Variants in FOXP2 observed in about 807,000 individuals in gnomAD.
The protein encoded by FOXP2 is forkhead box P2.
Under a neutral mutation model 115.8 loss-of-function variants are expected in FOXP2, and 12 were observed. The ratio of observed to expected loss-of-function variants is 0.10; its 90% CI spans 0.07 to 0.17. The LOEUF (loss-of-function observed/expected upper bound fraction) is 0.17, where lower values mean the gene tolerates loss of function less well. Among genes scored for constraint, FOXP2 ranks in the 10% least tolerant of loss-of-function variants. The pLI, the probability that FOXP2 is intolerant of heterozygous loss-of-function variation, is 1.00. For synonymous variants in FOXP2, 328 were observed against 297.7 expected, an observed-to-expected ratio of 1.10 and a Z score of -1.05; for missense variants, 629 against 843.5, an observed-to-expected ratio of 0.75 and a Z score of 3.15.
At chr7:114,623,644 G>A (rs1445601283) in intron 3 of FOXP2, among the ~76,000 whole-genome samples, 3 of 151,796 alleles carry the variant, frequency 2.0e-5, no homozygotes, top group Non-Finnish European at 2.9e-5. Flanking sequence ...ACAAAGAAAA[G>A]AATATAATCT....
chr7:114,187,871 C>A (rs927487698), intron 1 of FOXP2, among the ~76,000 whole-genome samples: 2 of 152,130 alleles, frequency 1.3e-5, no homozygotes, highest in African/African-American at 4.8e-5. Flanking sequence ...CTTGCAGCAT[C>A]ATCACATGGC....
At chr7:114,493,300 T>G (rs1042300955) in intron 2 of FOXP2, among the ~76,000 whole-genome samples, 2 of 152,276 alleles carry the variant, frequency 1.3e-5, no homozygotes, top group East Asian at 3.9e-4. Flanking sequence ...AGCCTATGTG[T>G]GTCTCTGCAC....
chr7:114,472,172 A>G (rs1796078663), intron 2 of FOXP2, among the ~76,000 whole-genome samples: 1 of 152,008 alleles, frequency 6.6e-6, no homozygotes, highest in South Asian at 2.1e-4. Flanking sequence ...TGCTACATGC[A>G]TGGAGTTTAA....
intron 1 of FOXP2, among the ~76,000 whole-genome samples, chr7:114,137,005 T>G (rs183280359): frequency 1.3e-5 from 2 of 152,196 alleles, no homozygotes; most frequent in East Asian, 3.9e-4. Context: ...ATTCTTGGTT[T>G]TGAAATAAAA....
chr7:114,456,813 G>A (rs941703730), intron 2 of FOXP2, among the ~76,000 whole-genome samples: 6 of 152,132 alleles, frequency 3.9e-5, no homozygotes, highest in African/African-American at 7.2e-5. Context: ...ATTGTGGTAT[G>A]TATCTATGCA....
At chr7:114,094,279 G>A (rs1463341658) in intron 1 of FOXP2, among the ~76,000 whole-genome samples, 2 of 152,070 alleles carry the variant, frequency 1.3e-5, no homozygotes, top group Non-Finnish European at 2.9e-5. Context: ...TTTTGAATAC[G>A]AAGTCATGAA....
chr7:114,476,517 C>G (rs1488899081), intron 2 of FOXP2, among the ~76,000 whole-genome samples: 1 of 152,048 alleles, frequency 6.6e-6, no homozygotes, highest in Non-Finnish European at 1.5e-5. Context: ...GTTTTGGTTA[C>G]TGTAGCCCTG....
chr7:114,511,086 T>C (rs1163173426), intron 2 of FOXP2, among the ~76,000 whole-genome samples: 1 of 152,108 alleles, frequency 6.6e-6, no homozygotes, highest in Non-Finnish European at 1.5e-5. Context: ...ACCATCATTC[T>C]CAGCAAACTA....
intron 2 of FOXP2, among the ~76,000 whole-genome samples, chr7:114,402,262 G>T (rs1390390662): frequency 6.6e-6 from 1 of 152,086 alleles, no homozygotes; most frequent in Non-Finnish European, 1.5e-5. Context: ...TAGAGAAGAG[G>T]ACATTAATAC....
At chr7:114,212,390 A>G (rs1279895560) in intron 1 of FOXP2, among the ~76,000 whole-genome samples, 2 of 152,096 alleles carry the variant, frequency 1.3e-5, no homozygotes, top group African/African-American at 2.4e-5. Flanking sequence ...TATGCCAACT[A>G]TTCTTTAATT....
intron 1 of FOXP2, among the ~76,000 whole-genome samples, chr7:114,199,463 T>G (rs1794003465): frequency 6.6e-6 from 1 of 152,190 alleles, no homozygotes; most frequent in Non-Finnish European, 1.5e-5. Flanking sequence ...TTACTTCTTA[T>G]TTTTAAAAAT....
intron 1 of FOXP2, among the ~76,000 whole-genome samples, chr7:114,244,781 A>C (rs1584572710): frequency 1.3e-5 from 2 of 148,290 alleles, no homozygotes; most frequent in Admixed American, 1.3e-4. Flanking sequence ...TTTTTTTTTG[A>C]GACGGAGTCT....
At chr7:114,636,222 C>T (rs76340117) in intron 6 of FOXP2, among the ~76,000 whole-genome samples, 11,917 of 152,026 alleles carry the variant, frequency 0.078, 562 homozygotes, top group Middle Eastern at 0.16. Flanking sequence ...TATGGGTATC[C>T]AGAGGTCAAG....
At chr7:114,343,628 C>G (rs898763188) in intron 2 of FOXP2, among the ~76,000 whole-genome samples, 1 of 151,642 alleles carries the variant, frequency 6.6e-6, no homozygotes, top group Admixed American at 6.6e-5. Flanking sequence ...TTGTTCTTGA[C>G]TGAATGGTGA....
chr7:114,469,675 T>C (rs1795961945), intron 2 of FOXP2, among the ~76,000 whole-genome samples: 1 of 152,204 alleles, frequency 6.6e-6, no homozygotes, highest in Admixed American at 6.5e-5. Flanking sequence ...ATGAAGATTA[T>C]AGAAAGTGTG....
rs763457983 is a variant in FOXP2, at chr7:114,658,219, G to A, written c.1420G>A (p.Ala474Thr). The stretch of plus-strand genomic sequence containing the variant: ...CCCAGCCAGTGTGCCCAATGTGGGA[G>A]CCATACGAAGGCGACATTCAGACAA... ...ITPASVPNVG[A>T]IRRRHSDKYN... The change falls in exon 11 of 17, where the codon GCC becomes ACC. Residue 474 changes from alanine to threonine, a missense_variant. Around this residue, in one of 9 missense-constraint regions of FOXP2, gnomAD observed 101 missense variants for 116.0 expected, o/e 0.87. Transcript: ENST00000350908. 8.1e-6 allele frequency: 13 copies of A among 1,613,762 alleles called. No individual in the cohort carries two copies. In the African/African-American group the frequency reaches 1.5e-4, roughly 18 times the overall value.
chr7:114,563,153 C>T (rs1024499105), intron 3 of FOXP2, among the ~76,000 whole-genome samples: 5 of 152,136 alleles, frequency 3.3e-5, no homozygotes, highest in African/African-American at 1.2e-4. Flanking sequence ...CAGTTACCTC[C>T]CACCAGGTCC....
At chr7:114,539,406 G>A (rs1799548721) in intron 3 of FOXP2, among the ~76,000 whole-genome samples, 3 of 151,840 alleles carry the variant, frequency 2.0e-5, no homozygotes, top group East Asian at 1.9e-4. Flanking sequence ...AATAAAAGCA[G>A]CATTGCCAGA....
intron 2 of FOXP2, among the ~76,000 whole-genome samples, chr7:114,383,854 A>T (rs933637640): frequency 3.3e-5 from 5 of 152,162 alleles, no homozygotes; most frequent in Admixed American, 6.5e-5. Context: ...TTAGTCCTAG[A>T]GCGTCCTCTA....
Sources: allele counts gnomAD v4.1 joint callset (sites outside exome capture counted in the v4.1 genomes callset), GRCh38; gene constraint gnomAD v4.1.1; regional missense constraint gnomAD v4.1.1; transcripts MANE v1.5; gene names NCBI Gene and HGNC (gene_info 2026-07-23, HGNC 2026-07-21).